CNTN5: variants seen among roughly 807,000 people sequenced by gnomAD.
CNTN5 encodes contactin-5.
Under a neutral mutation model 129.1 loss-of-function variants are expected in CNTN5, and 77 were observed. That is an observed-to-expected ratio of 0.60 (90% CI 0.50 to 0.72). CNTN5 has a LOEUF of 0.72. Among genes scored for constraint, CNTN5 ranks in the 30% least tolerant of loss-of-function variants. CNTN5 has a pLI of 0.00. For missense variants in CNTN5, 1,478 were observed against 1,328.8 expected, an observed-to-expected ratio of 1.11 and a Z score of -1.75; for synonymous variants, 509 against 465.6, an observed-to-expected ratio of 1.09 and a Z score of -1.20.
chr11:99,072,401 C>A (rs889186436), intron 1 of CNTN5, among the ~76,000 whole-genome samples: 1 of 151,910 alleles, frequency 6.6e-6, no homozygotes, highest in Non-Finnish European at 1.5e-5. Context: ...TGAATAATAT[C>A]AAAACAGGAT....
chr11:100,069,319 AT>A (rs745353008), intron 10 of CNTN5, among the ~76,000 whole-genome samples: 233 of 145,786 alleles, frequency 1.6e-3, no homozygotes, highest in Admixed American at 1.7e-3. Context: ...CACCTGAATA[AT>A]TTTTTTTTTT....
At chr11:99,848,477 C>T (rs898457624) in intron 6 of CNTN5, among the ~76,000 whole-genome samples, 4 of 151,730 alleles carry the variant, frequency 2.6e-5, no homozygotes, top group Non-Finnish European at 4.4e-5. Context: ...TATATTTAAT[C>T]GACTGAGATA....
chr11:100,271,738 T>A (rs1362780375), intron 18 of CNTN5, among the ~76,000 whole-genome samples: 1 of 152,198 alleles, frequency 6.6e-6, no homozygotes, highest in Non-Finnish European at 1.5e-5. Context: ...GAAGTCTATA[T>A]GTAAAATAAA....
intron 6 of CNTN5, among the ~76,000 whole-genome samples, chr11:99,866,407 T>TTA (rs1565620080): frequency 6.6e-6 from 1 of 152,180 alleles, no homozygotes; most frequent in African/African-American, 2.4e-5. Flanking sequence ...TATTAGATAC[T>TTA]TATATATTTT....
chr11:99,642,736 C>G (rs1389641189), intron 3 of CNTN5, among the ~76,000 whole-genome samples: 1 of 152,116 alleles, frequency 6.6e-6, no homozygotes, highest in South Asian at 2.1e-4. Context: ...ATTGACCAAC[C>G]TTTCTCCATC....
At chr11:99,693,732 T>C (rs1040274125) in intron 3 of CNTN5, among the ~76,000 whole-genome samples, 1 of 152,114 alleles carries the variant, frequency 6.6e-6, no homozygotes, top group Non-Finnish European at 1.5e-5. Flanking sequence ...ACAGACGAGA[T>C]TGTTTCTTTG....
At chr11:99,705,756 G>A (rs1162785521) in intron 3 of CNTN5, among the ~76,000 whole-genome samples, 1 of 151,428 alleles carries the variant, frequency 6.6e-6, no homozygotes, top group East Asian at 1.9e-4. Flanking sequence ...GAGCAGGGGC[G>A]ATGGGTTTGA....
chr11:100,204,278 C>A (rs1948857391), intron 15 of CNTN5, among the ~76,000 whole-genome samples: 4 of 71,164 alleles, frequency 5.6e-5, no homozygotes, highest in African/African-American at 8.9e-5. Context: ...AGTAGCTCAC[C>A]AAGAAACAAA....
Position 100,086,309 on chromosome 11 carries a change from A to G in CNTN5, c.1580+12015A>G, listed in dbSNP as rs551004356. On this transcript the variant is annotated intron_variant, in intron 13 of 24. Transcript: ENST00000524871. Reference sequence around the variant, plus strand: ...ACTTAAATATAAAATATATAAATAAATATTACTTAAATATCCTTGTTTCAA... The same window carrying G: ...ACTTAAATATAAAATATATAAATAAGTATTACTTAAATATCCTTGTTTCAA... Among the ~76,000 whole-genome samples the G allele has an allele frequency of 2.0e-5, 3 of 150,938 alleles. No homozygotes were observed. The East Asian group carries it at 5.8e-4, about 29-fold the overall frequency.
At chr11:99,560,580 C>T (rs570244924) in intron 3 of CNTN5, among the ~76,000 whole-genome samples, 35 of 152,142 alleles carry the variant, frequency 2.3e-4, no homozygotes, top group African/African-American at 5.8e-4. Context: ...CGTGAGCCAC[C>T]GCGCCCAGCC....
At chr11:99,382,571 C>T (rs1035753560) in intron 2 of CNTN5, among the ~76,000 whole-genome samples, 7 of 152,056 alleles carry the variant, frequency 4.6e-5, no homozygotes, top group African/African-American at 1.4e-4. Context: ...TGTGCTTTTA[C>T]GAGACTTATT....
In CNTN5 at chr11:99,811,573, G is replaced by A. The variant is rs535841106; in HGVS notation, c.56-7971G>A. Among the ~76,000 whole-genome samples the A allele has an allele frequency of 5.3e-5, 8 of 151,212 alleles. No individual in the cohort carries two copies. The East Asian group carries it at 1.6e-3, about 29-fold the overall frequency. ...TCTCTAAAATGACCTTTTATTTAATGGAAAAGAATGCTATTAGTTCCAAGG... is the reference window on the plus strand; with the variant it reads ...TCTCTAAAATGACCTTTTATTTAATAGAAAAGAATGCTATTAGTTCCAAGG... On this transcript the variant is annotated intron_variant, in intron 3 of 24. Coordinates refer to ENST00000524871, the MANE Select transcript of CNTN5 (RefSeq NM_014361.4).
At chr11:99,066,884 G>T (rs970406002) in intron 1 of CNTN5, among the ~76,000 whole-genome samples, 1 of 152,082 alleles carries the variant, frequency 6.6e-6, no homozygotes, top group Non-Finnish European at 1.5e-5. Flanking sequence ...TGGTGACTGC[G>T]ATTCAAGGGC....
chr11:99,324,711 C>T (rs923013305), intron 1 of CNTN5, among the ~76,000 whole-genome samples: 7 of 152,168 alleles, frequency 4.6e-5, no homozygotes, highest in African/African-American at 9.6e-5. Flanking sequence ...ACACAACTCA[C>T]GGTTACTGCA....
At position 99,213,436 on chromosome 11, in the gene CNTN5, A is replaced by G. The variant is rs1434239112; in HGVS notation, c.-209-111910A>G. ...TGTATATACATATATACACGTGTAT[A>G]TATACACATATATGTATATACATAT... is the stretch of plus-strand genomic sequence containing the variant. On this transcript the variant is annotated intron_variant, in intron 1 of 24. Transcript: ENST00000524871. Among the ~76,000 whole-genome samples, 15 of 145,460 alleles carry G rather than the reference A, an allele frequency of 1.0e-4. No individual in the cohort carries two copies. The Admixed American group carries it at 1.0e-3, about 10-fold the overall frequency.
At chr11:99,915,934 T>A (rs1949777551) in intron 6 of CNTN5, 120 bp from the exon 7 acceptor site, 1 of 724,804 alleles carries the variant, frequency 1.4e-6, no homozygotes, top group Non-Finnish European at 2.4e-6. Context: ...TTCTTGTCAC[T>A]GATTAACAAA....
chr11:99,913,608 TATC>T lies in CNTN5; in HGVS notation c.578-2442_578-2440del, dbSNP rs1370712089. Among the ~76,000 whole-genome samples the T allele has an allele frequency of 2.0e-5, 3 of 152,066 alleles. No homozygotes were observed. In the East Asian group the frequency reaches 5.8e-4, roughly 29 times the overall value. On this transcript the variant is annotated intron_variant, in intron 6 of 24. Transcript: ENST00000524871. ...ACAAAATAAAGCAATTGGAGTGAAG[TATC>T]ATCTTTTGGGTCATTGGGATCTCAA...
intron 2 of CNTN5, among the ~76,000 whole-genome samples, chr11:99,443,614 G>T (rs1010619631): frequency 6.6e-6 from 1 of 152,154 alleles, no homozygotes; most frequent in Non-Finnish European, 1.5e-5. Flanking sequence ...ATAGAAATTT[G>T]CTCTGTTAGA....
chr11:99,739,161 CAT>C (rs1246809112), intron 3 of CNTN5, among the ~76,000 whole-genome samples: 1 of 152,116 alleles, frequency 6.6e-6, no homozygotes, highest in Non-Finnish European at 1.5e-5. Flanking sequence ...GCACTTACCA[CAT>C]AGAGCATAAT....
Sources: allele counts gnomAD v4.1 joint callset (sites outside exome capture counted in the v4.1 genomes callset), GRCh38; gene constraint gnomAD v4.1.1; transcripts MANE v1.5; gene names NCBI Gene and HGNC (gene_info 2026-07-23, HGNC 2026-07-21).